Variants in SNRPG observed in about 807,000 individuals in gnomAD.
The protein encoded by SNRPG is small nuclear ribonucleoprotein G.
A neutral mutation model predicts 13.9 loss-of-function variants in SNRPG; 3 were observed. The observed-to-expected ratio is 0.22, with a 90% CI of 0.10 to 0.56. The LOEUF is 0.56. SNRPG is among the 20% of genes least tolerant of loss of function. The probability of loss-of-function intolerance (pLI) is 0.93; values close to 1 mark genes in which losing one functional copy is unlikely to be tolerated. For missense variants in SNRPG, 34 were observed against 96.1 expected, an observed-to-expected ratio of 0.35 and a Z score of 2.70; for synonymous variants, 29 against 29.3, an observed-to-expected ratio of 0.99 and a Z score of 0.03.
rs748800510 is a variant in SNRPG at position 70,289,332 on chromosome 2, AAAC to A, written c.55+15_55+17del. On this transcript the variant is annotated intron_variant, in intron 2 of 3. Coordinates refer to ENST00000272348, the MANE Select transcript of SNRPG (RefSeq NM_003096.4). ...AATTAAATAATTAAAAAAAACCCCAAAACAACAACAAACTTACATGATAACTTC... is the reference window on the plus strand; with the variant it reads ...AATTAAATAATTAAAAAAAACCCCAAAACAACAAACTTACATGATAACTTC... 1.9e-5 allele frequency: 26 copies of A among 1,400,726 alleles called. No homozygotes were observed. The highest frequency in any genetic ancestry group is 7.2e-5 in the East Asian group (3 of 41,848). The allele number at this position is 1,400,726 out of a possible 1,614,324, so 86.8% of individuals were successfully genotyped here. A position where few individuals can be genotyped will look rare whatever the true frequency, so the allele number is the denominator to read the frequency against.
intron 3 of SNRPG, chr2:70,287,658 T>A (rs1696976335): frequency 7.0e-6 from 3 of 426,290 alleles, no homozygotes; most frequent in Non-Finnish European, 1.2e-5. Flanking sequence ...CAGATCTGCA[T>A]TAGGCATTAG....
At chr2:70,287,951 T>C (rs932201722) in intron 3 of SNRPG, 117 bp downstream of exon 3, 6 of 923,248 alleles carry the variant, frequency 6.5e-6, no homozygotes, top group African/African-American at 5.0e-5. Flanking sequence ...AAAAAGGAGA[T>C]GGAAAGTCTA....
intron 3 of SNRPG, among the ~76,000 whole-genome samples, chr2:70,282,895 A>G (rs1230938211): frequency 6.6e-6 from 1 of 152,060 alleles, no homozygotes; most frequent in Non-Finnish European, 1.5e-5. Context: ...GGAGTTCGAG[A>G]CCATCCTGGC....
At chr2:70,289,591 T>G (rs2104920731) in intron 1 of SNRPG, among the ~76,000 whole-genome samples, 1 of 152,262 alleles carries the variant, frequency 6.6e-6, no homozygotes, top group Middle Eastern at 3.4e-3. Flanking sequence ...GCGGGTGGAC[T>G]GCTTGAGCTC....
At chr2:70,293,302 T>C (rs1697151498) in intron 1 of SNRPG, 2 of 676,170 alleles carry the variant, frequency 3.0e-6, no homozygotes, top group East Asian at 2.7e-5. Context: ...ATTCGAGATG[T>C]TCAACAAAAG....
rs57720967 is a variant in SNRPG at position 70,290,823 on chromosome 2, TAAAAAAAAAAAA to T, written c.33-1463_33-1452del. On this transcript the variant is annotated intron_variant, in intron 1 of 3. Transcript: ENST00000272348. ...CAACATGGAGAAAACCCGTCTCTAC[TAAAAAAAAAAAA>T]AAAAAAAAAAAAAAAAAAAAAAAAA... 6.3e-4 allele frequency among the ~76,000 whole-genome samples: 16 copies of T among 25,286 alleles called. No homozygotes were observed. In the East Asian group the frequency reaches 8.8e-3, roughly 14 times the overall value. 16.6% of individuals were successfully genotyped at this position (25,286 alleles called of 152,430 possible). A position where few individuals can be genotyped will look rare whatever the true frequency, so the allele number is the denominator to read the frequency against.
At chr2:70,293,011 T>C (rs1217632277) in intron 1 of SNRPG, 3 of 615,838 alleles carry the variant, frequency 4.9e-6, no homozygotes, top group Admixed American at 2.8e-5. Flanking sequence ...CTAGAAAAAA[T>C]TAATGTTCTT....
At chr2:70,293,108 C>A in intron 1 of SNRPG, 3 of 702,092 alleles carry the variant, frequency 4.3e-6, no homozygotes, top group Non-Finnish European at 7.8e-6. Flanking sequence ...TAAAAGAAGG[C>A]AAGAAAAAGG....
Position 70,293,674 on chromosome 2 carries a change from A to G in SNRPG, c.-25T>C, listed in dbSNP as rs752545398. 6 of 1,613,194 alleles carry G rather than the reference A, an allele frequency of 3.7e-6. No individual in the cohort carries two copies. In the East Asian group the frequency reaches 1.1e-4, roughly 30 times the overall value. ...TGGTGTATACTCCGCGGGCTCACAG[A>G]TGCCTTGGAACGCAACGCACGGCTT... On this transcript the variant is annotated 5_prime_UTR_variant, in exon 1 of 4. Coordinates refer to ENST00000272348, the MANE Select transcript of SNRPG (RefSeq NM_003096.4).
At chr2:70,289,081 A>G (rs968255746) in intron 2 of SNRPG, among the ~76,000 whole-genome samples, 1 of 151,884 alleles carries the variant, frequency 6.6e-6, no homozygotes, top group Admixed American at 6.6e-5. Context: ...CTCCCGAGTA[A>G]CTGGGACTAC....
intron 1 of SNRPG, among the ~76,000 whole-genome samples, chr2:70,290,757 G>A (rs1281698901): frequency 4.2e-5 from 6 of 143,008 alleles, no homozygotes; most frequent in East Asian, 2.0e-4. Context: ...AGGCCAAGGC[G>A]GGCGGATCAC....
Position 70,293,086 on chromosome 2 carries a change from T to G in SNRPG, c.32+532A>C, listed in dbSNP as rs1220291301. 8.5e-6 allele frequency: 6 copies of G among 702,024 alleles called. No individual in the cohort carries two copies. The East Asian group carries it at 1.6e-4, about 19-fold the overall frequency. 43.5% of individuals were successfully genotyped at this position (702,024 alleles called of 1,614,324 possible). A position where few individuals can be genotyped will look rare whatever the true frequency, so the allele number is the denominator to read the frequency against. ...ATCAGAGCAAGATAACACATGACAT[T>G]CAAGCTTAACGTAAAAGAAGGCAAG... On this transcript the variant is annotated intron_variant, in intron 1 of 3. Transcript: ENST00000272348.
intron 1 of SNRPG, among the ~76,000 whole-genome samples, chr2:70,290,457 G>T (rs1697055746): frequency 6.6e-6 from 1 of 151,614 alleles, no homozygotes; most frequent in South Asian, 2.1e-4. Context: ...ATTAAGCCAT[G>T]CAGTCAAATC....
At chr2:70,281,708 G>A (rs552443198) in intron 3 of SNRPG, 24 bp from the exon 4 acceptor site, 36 of 1,309,104 alleles carry the variant, frequency 2.7e-5, no homozygotes, top group Admixed American at 5.5e-5. Flanking sequence ...AAATAAATTT[G>A]AAAAGAACAA....
Position 70,281,966 on chromosome 2 carries a change from C to A in SNRPG, c.181-282G>T, listed in dbSNP as rs1696798615. ...AGACAGTCTCACTCTGTTGCCCAGG[C>A]TAGAGTGTAGTGGCGCAATCTCGGC... is the stretch of plus-strand genomic sequence containing the variant. On this transcript the variant is annotated intron_variant, in intron 3 of 3. Transcript: ENST00000272348. Among the ~76,000 whole-genome samples, 3 of 152,098 alleles carry A rather than the reference C, an allele frequency of 2.0e-5. No individual in the cohort carries two copies. In the South Asian group the frequency reaches 6.2e-4, roughly 32 times the overall value.
chr2:70,290,135 C>T (rs1697046919), intron 1 of SNRPG, among the ~76,000 whole-genome samples: 1 of 151,590 alleles, frequency 6.6e-6, no homozygotes, highest in Non-Finnish European at 1.5e-5. Context: ...GCATGAGCTA[C>T]CACATCTGGT....
At chr2:70,289,118 T>C (rs961027778) in intron 2 of SNRPG, among the ~76,000 whole-genome samples, 2 of 151,464 alleles carry the variant, frequency 1.3e-5, no homozygotes, top group African/African-American at 4.8e-5. Context: ...ACCCGGCTAA[T>C]TTTTTTTTGT....
intron 2 of SNRPG, 90 bp from the exon 3 acceptor site, chr2:70,288,282 T>C (rs776425318): frequency 3.4e-4 from 370 of 1,079,404 alleles, no homozygotes; most frequent in Non-Finnish European, 5.0e-4. Flanking sequence ...ACACAAGTAT[T>C]TGAGATGTCT....
intron 3 of SNRPG, among the ~76,000 whole-genome samples, chr2:70,284,889 T>A (rs1020675009): frequency 6.6e-6 from 1 of 152,220 alleles, no homozygotes; most frequent in Admixed American, 6.5e-5. Flanking sequence ...ATTAAATGCA[T>A]AGTCCCAGCA....
Sources: gnomAD v4.1 joint callset for allele counts (sites outside exome capture counted in the v4.1 genomes callset) on GRCh38, gnomAD v4.1.1 for gene constraint, MANE v1.5 for transcripts, NCBI Gene and HGNC (gene_info 2026-07-23, HGNC 2026-07-21) for gene names.